TUT4: variants seen among roughly 807,000 people sequenced by gnomAD.
TUT4 encodes the protein terminal uridylyl transferase 4.
Under a neutral mutation model 192.2 loss-of-function variants are expected in TUT4, and 36 were observed. The observed-to-expected ratio is 0.19, with a 90% CI of 0.14 to 0.25. The LOEUF (loss-of-function observed/expected upper bound fraction) is 0.25. Ranked by LOEUF, TUT4 falls within the 10% of genes least tolerant of loss-of-function variation. TUT4 has a pLI of 1.00. For synonymous variants in TUT4, 618 were observed against 666.0 expected (o/e 0.93, Z 1.11); for missense variants, 1,493 against 1,957.2 (o/e 0.76, Z 4.47).
intron 2 of TUT4, among the ~76,000 whole-genome samples, chr1:52,519,208 A>G (rs1679544588): frequency 6.6e-6 from 1 of 152,256 alleles, no homozygotes; most frequent in Non-Finnish European, 1.5e-5. Flanking sequence ...GGAATGACGT[A>G]CTAATACATG....
rs949182138 is a variant in TUT4, at chr1:52,528,518, T to TA, written c.-93-2146dup. On this transcript the variant is annotated intron_variant, in intron 1 of 29. Coordinates refer to ENST00000257177, the MANE Select transcript of TUT4 (RefSeq NM_001009881.3). ...AAAAAAAAAAAAAAAGTGATTTTAT[T>TA]AAAAAATCAGGATGTTTTTTACTAT... Among the ~76,000 whole-genome samples, 49 of 151,854 alleles carry TA rather than the reference T, an allele frequency of 3.2e-4. 1 individual carries two copies. Among genetic ancestry groups the TA allele is most frequent in the Admixed American group, 3.0e-3 (46 of 15,238 alleles).
At chr1:52,454,766 G>A (rs1660390236) in intron 20 of TUT4, among the ~76,000 whole-genome samples, 1 of 152,044 alleles carries the variant, frequency 6.6e-6, no homozygotes, top group Non-Finnish European at 1.5e-5. Context: ...ACAACGTCAA[G>A]GGAATGAAAA....
At chr1:52,450,649 T>C (rs1179906173) in intron 20 of TUT4, among the ~76,000 whole-genome samples, 2 of 152,176 alleles carry the variant, frequency 1.3e-5, no homozygotes, top group East Asian at 3.8e-4. Flanking sequence ...GTTCCTCATA[T>C]CAACACTGAA....
At position 52,438,411 on chromosome 1, in the gene TUT4, G is replaced by A. The variant is rs184652672; in HGVS notation, c.3823-76C>T. The A allele has an allele frequency of 6.1e-4, 575 of 939,856 alleles. 1 individual carries two copies. The highest frequency in any genetic ancestry group is 8.4e-4 in the Non-Finnish European group (509 of 606,088). The allele number at this position is 939,856 out of a possible 1,614,324, so 58.2% of individuals were successfully genotyped here. A position where few individuals can be genotyped will look rare whatever the true frequency, so the allele number is the denominator to read the frequency against. Reference sequence around the variant, plus strand: ...ATCCAAATGGAAAGAAGACCAAGATGCAAACATGGTTTATTTTTACAAAGA... The same window carrying A: ...ATCCAAATGGAAAGAAGACCAAGATACAAACATGGTTTATTTTTACAAAGA... On this transcript the variant is annotated intron_variant, in intron 24 of 29. Coordinates refer to ENST00000257177, the MANE Select transcript of TUT4 (RefSeq NM_001009881.3).
intron 25 of TUT4, chr1:52,437,355 G>A (rs1654098271): frequency 5.9e-6 from 1 of 168,952 alleles, no homozygotes; most frequent in South Asian, 1.5e-4. Context: ...AAAGTTCCAA[G>A]TTTTTATTTT....
At chr1:52,453,998 A>G (rs1327065651) in intron 20 of TUT4, among the ~76,000 whole-genome samples, 1 of 152,246 alleles carries the variant, frequency 6.6e-6, no homozygotes, top group Non-Finnish European at 1.5e-5. Context: ...AAAAAATGAA[A>G]TACATAGGTG....
rs1349767191 is a variant in TUT4, at chr1:52,519,386, C to CTA, written c.719-3334_719-3333dup. Reference sequence around the variant, plus strand: ...AGGAGCGGGTAATGAATAGTGACTGCTAATGGGTATGGAGTTTCTTTGTAG... The same window carrying CTA: ...AGGAGCGGGTAATGAATAGTGACTGCTATAATGGGTATGGAGTTTCTTTGTAG... On this transcript the variant is annotated intron_variant, in intron 2 of 29. Transcript: ENST00000257177. 5.3e-5 allele frequency among the ~76,000 whole-genome samples: 8 copies of CTA among 151,944 alleles called. 1 individual carries two copies. In the South Asian group the frequency reaches 1.5e-3, roughly 28 times the overall value.
chr1:52,530,767 C>A (rs1012288538), intron 1 of TUT4, among the ~76,000 whole-genome samples: 10 of 152,242 alleles, frequency 6.6e-5, no homozygotes, highest in South Asian at 2.1e-4. Flanking sequence ...GCATAGGAGG[C>A]TGAGGTAGGC....
chr1:52,469,063 TA>T (rs1664969997), intron 14 of TUT4, among the ~76,000 whole-genome samples: 1 of 152,220 alleles, frequency 6.6e-6, no homozygotes, highest in South Asian at 2.1e-4. Context: ...TGTAATTCGT[TA>T]ACTTGTTTTA....
intron 1 of TUT4, among the ~76,000 whole-genome samples, chr1:52,552,262 C>A (rs947029521): frequency 1.4e-4 from 22 of 152,114 alleles, no homozygotes; most frequent in African/African-American, 4.8e-4. Flanking sequence ...AGTCTGAAAC[C>A]CTTCGCAGAG....
chr1:52,484,051 A>G (rs564679320), intron 9 of TUT4, among the ~76,000 whole-genome samples: 1 of 151,216 alleles, frequency 6.6e-6, no homozygotes, highest in South Asian at 2.1e-4. Context: ...AAGCAAAACA[A>G]AACAAAACAA....
chr1:52,505,124 T>C (rs1339170848), intron 4 of TUT4, among the ~76,000 whole-genome samples: 4 of 152,156 alleles, frequency 2.6e-5, no homozygotes, highest in African/African-American at 9.7e-5. Context: ...CATACTGTAG[T>C]TCTATTTTTA....
chr1:52,550,496 CTTTTTTT>C (rs752817651), intron 1 of TUT4, among the ~76,000 whole-genome samples: 9 of 122,042 alleles, frequency 7.4e-5, no homozygotes, highest in Non-Finnish European at 1.0e-4. Flanking sequence ...GTAAGTATTG[CTTTTTTT>C]TTTTTTTTTT....
chr1:52,502,371 G>A (rs1477014522), intron 4 of TUT4, among the ~76,000 whole-genome samples: 1 of 152,024 alleles, frequency 6.6e-6, no homozygotes, highest in Non-Finnish European at 1.5e-5. Flanking sequence ...TCCCCTATGT[G>A]TATCCACCTG....
intron 1 of TUT4, 88 bp from the exon 2 acceptor site, chr1:52,526,461 A>G: frequency 2.2e-6 from 1 of 448,734 alleles, no homozygotes; most frequent in Non-Finnish European, 3.5e-6. Context: ...AATTTTTTAA[A>G]CTTGTTCTAA....
chr1:52,487,529 G>A (rs930943316), intron 9 of TUT4, among the ~76,000 whole-genome samples: 2 of 152,104 alleles, frequency 1.3e-5, no homozygotes, highest in East Asian at 1.9e-4. Context: ...AGTATGCTAG[G>A]CATAGAGTAT....
intron 20 of TUT4, among the ~76,000 whole-genome samples, chr1:52,449,045 A>G (rs1246250785): frequency 6.6e-6 from 1 of 151,890 alleles, no homozygotes; most frequent in East Asian, 1.9e-4. Flanking sequence ...AGCCCCCAGA[A>G]GCACTAATGC....
rs2985459 is a variant in TUT4, at chr1:52,452,549, T to G, written c.3435+5787A>C. ...AAGTTGATCACCAATGGCGAACAGC[T>G]TGGCTTAATCAATCTTGCATATGTA... On this transcript the variant is annotated intron_variant, in intron 20 of 29. Transcript: ENST00000257177. Among the ~76,000 whole-genome samples the G allele has an allele frequency of 3.0e-3, 452 of 152,230 alleles. 3 individuals carry two copies. Among genetic ancestry groups the G allele is most frequent in the African/African-American group, 0.011 (442 of 41,548 alleles).
In TUT4 at chr1:52,425,255, G is replaced by C. The variant is rs1214358956; in HGVS notation, c.4870+94C>G. ...CTCAGTAAATGTTTACTGAATTCAT[G>C]AATTTTCACTCCCAGATCCTGGCCT... On this transcript the variant is annotated intron_variant, in intron 29 of 29. Transcript: ENST00000257177. The C allele has an allele frequency of 3.5e-6, 5 of 1,429,848 alleles. No homozygotes were observed. In the African/African-American group the frequency reaches 5.7e-5, roughly 16 times the overall value. 88.6% of individuals were successfully genotyped at this position (1,429,848 alleles called of 1,614,324 possible).
Sources: allele counts gnomAD v4.1 joint callset (sites outside exome capture counted in the v4.1 genomes callset), GRCh38; gene constraint gnomAD v4.1.1; transcripts MANE v1.5; gene names NCBI Gene and HGNC (gene_info 2026-07-23, HGNC 2026-07-21).